Variants in PRRG1 observed in about 807,000 individuals in gnomAD.
The protein encoded by PRRG1 is transmembrane gamma-carboxyglutamic acid protein 1.
In PRRG1, 5 loss-of-function variants were observed where a neutral mutation model predicts 11.8. The observed-to-expected ratio is 0.42, with a 90% CI of 0.22 to 0.89. The LOEUF (loss-of-function observed/expected upper bound fraction) is 0.89. Among genes scored for constraint, PRRG1 ranks in the 40% least tolerant of loss-of-function variants. PRRG1 has a pLI of 0.28. For synonymous variants in PRRG1, 66 were observed against 60.4 expected (o/e 1.09, Z -0.43); for missense variants, 155 against 166.1 (o/e 0.93, Z 0.37).
At chrX:37,434,089 A>G (rs782132011) in intron 3 of PRRG1, among the ~76,000 whole-genome samples, 45 of 112,248 alleles carry the variant, frequency 4.0e-4, no homozygotes, top group African/African-American at 1.4e-3. Flanking sequence ...CTTTTAGACT[A>G]TCTTTACTAT....
chrX:37,431,372 A>T (rs1192747743), intron 3 of PRRG1, among the ~76,000 whole-genome samples: 1 of 112,267 alleles, frequency 8.9e-6, no homozygotes, highest in Admixed American at 9.4e-5. Context: ...ACAGTGTTTG[A>T]GAGATCCAGT....
In PRRG1 at chrX:37,376,554, T is replaced by C. The variant is rs1214774261; in HGVS notation, c.-42+27159T>C. On this transcript the variant is annotated intron_variant, in intron 1 of 3. Transcript: ENST00000378628. The stretch of plus-strand genomic sequence containing the variant: ...GTGTTTAGTCAGAAATGTGAGTGTA[T>C]ATATATATATATATATATGTGCTGA... Among the ~76,000 whole-genome samples the C allele has an allele frequency of 7.4e-5, 5 of 67,747 alleles. 1 individual carries two copies. The highest frequency in any genetic ancestry group is 2.4e-4 in the African/African-American group (5 of 20,724). 58.8% of individuals were successfully genotyped at this position (67,747 alleles called of 115,157 possible).
intron 1 of PRRG1, among the ~76,000 whole-genome samples, chrX:37,381,592 A>T (rs1404166621): frequency 1.8e-5 from 2 of 111,313 alleles, no homozygotes; most frequent in African/African-American, 6.5e-5. Flanking sequence ...AGAACCTTCT[A>T]TATCCTGTCT....
rs781978792 is a variant in PRRG1 at position 37,440,399 on chromosome X, T to C, written c.172-12737T>C. On this transcript the variant is annotated intron_variant, in intron 3 of 3. Coordinates refer to ENST00000378628, the MANE Select transcript of PRRG1 (RefSeq NM_001142395.2). ...ATAGGAGGAGGCTGATTTCCTGTTA[T>C]CTGGGAAGTGGCAATCTGAACTTTT... is the stretch of plus-strand genomic sequence containing the variant. 3.4e-4 allele frequency among the ~76,000 whole-genome samples: 38 copies of C among 112,086 alleles called. No homozygotes were observed. In the East Asian group the frequency reaches 9.8e-3, roughly 29 times the overall value.
rs797038486 is a variant in PRRG1 at position 37,418,922 on chromosome X, T to C, written c.11-6918T>C. 8.9e-5 allele frequency among the ~76,000 whole-genome samples: 10 copies of C among 112,052 alleles called. No individual in the cohort carries two copies. The South Asian group carries it at 1.9e-3, about 21-fold the overall frequency. On this transcript the variant is annotated intron_variant, in intron 2 of 3. Transcript: ENST00000378628. ...GTCTCAGGAGCCAGGCTCCTGCACA[T>C]GGATAGAGGAAACTGACCTTTGGTT...
At chrX:37,371,175 A>G (rs1296262535) in intron 1 of PRRG1, among the ~76,000 whole-genome samples, 1 of 111,506 alleles carries the variant, frequency 9.0e-6, no homozygotes, top group Non-Finnish European at 1.9e-5. Flanking sequence ...CCTCTGAAGC[A>G]CATAAAAATC....
intron 1 of PRRG1, among the ~76,000 whole-genome samples, chrX:37,398,593 C>T (rs1029351017): frequency 2.6e-4 from 29 of 112,498 alleles, no homozygotes; most frequent in African/African-American, 7.4e-4. Flanking sequence ...TCCAAAGGAA[C>T]GCAGTTCCTC....
intron 3 of PRRG1, among the ~76,000 whole-genome samples, chrX:37,438,524 C>T (rs1435758468): frequency 2.9e-5 from 3 of 104,545 alleles, no homozygotes; most frequent in Non-Finnish European, 5.8e-5. Context: ...GCAACCTCTG[C>T]CTCCCAGGTT....
chrX:37,384,782 A>T (rs782397534), intron 1 of PRRG1, among the ~76,000 whole-genome samples: 304 of 112,067 alleles, frequency 2.7e-3, no homozygotes, highest in Non-Finnish European at 4.5e-3. Flanking sequence ...AACAAAGATG[A>T]AAAAGACAAT....
At chrX:37,409,621 A>C (rs1277416370) in intron 2 of PRRG1, among the ~76,000 whole-genome samples, 2 of 112,318 alleles carry the variant, frequency 1.8e-5, no homozygotes, top group Admixed American at 9.5e-5. Context: ...TTACTCTCTA[A>C]GCTTTGCTTA....
intron 3 of PRRG1, among the ~76,000 whole-genome samples, chrX:37,429,165 C>G (rs781808339): frequency 6.2e-5 from 7 of 112,044 alleles, no homozygotes; most frequent in Non-Finnish European, 1.1e-4. Context: ...AAACCCATGA[C>G]GTGCCCTGGA....
In PRRG1 at chrX:37,455,038, G is replaced by T. The variant is rs1556397970; in HGVS notation, c.*1417G>T. 3 of 111,813 alleles carry T rather than the reference G, an allele frequency of 2.7e-5. No homozygotes were observed. Among genetic ancestry groups the T allele is most frequent in the Non-Finnish European group, 5.6e-5 (3 of 53,163 alleles). The allele number at this position is 111,813 out of a possible 1,213,427, so 9.2% of individuals were successfully genotyped here. A position where few individuals can be genotyped will look rare whatever the true frequency, so the allele number is the denominator to read the frequency against. ...GATTGATGAGGCAGGCAGAAGGAAT[G>T]TAGGTTTCAGGTGTGTCATTTCCTG... On this transcript the variant is annotated 3_prime_UTR_variant, in exon 4 of 4. Coordinates refer to ENST00000378628, the MANE Select transcript of PRRG1 (RefSeq NM_001142395.2).
At chrX:37,364,665 T>C (rs1930514824) in intron 1 of PRRG1, among the ~76,000 whole-genome samples, 1 of 112,140 alleles carries the variant, frequency 8.9e-6, no homozygotes, top group African/African-American at 3.2e-5. Context: ...TTCCTTTTCG[T>C]GTTACTTCCC....
At chrX:37,425,355 A>G (rs1459807197) in intron 2 of PRRG1, among the ~76,000 whole-genome samples, 3 of 109,966 alleles carry the variant, frequency 2.7e-5, no homozygotes, top group South Asian at 3.7e-4. Context: ...ACTTCTCACA[A>G]TTTTTTTTTA....
chrX:37,426,866 T>A (rs1932779665), intron 3 of PRRG1, among the ~76,000 whole-genome samples: 1 of 112,321 alleles, frequency 8.9e-6, no homozygotes, highest in Non-Finnish European at 1.9e-5. Flanking sequence ...TTTTACTTTT[T>A]AAAAATAGTA....
chrX:37,403,309 A>G (rs1256812871), intron 1 of PRRG1, among the ~76,000 whole-genome samples: 1 of 109,796 alleles, frequency 9.1e-6, no homozygotes, highest in Non-Finnish European at 1.9e-5. Context: ...CATAAAAAAG[A>G]TGAGTTCATG....
chrX:37,429,663 A>G (rs782500126), intron 3 of PRRG1, among the ~76,000 whole-genome samples: 1 of 111,373 alleles, frequency 9.0e-6, no homozygotes, highest in Non-Finnish European at 1.9e-5. Flanking sequence ...GAGCCCTCCA[A>G]ACTGTCCCAA....
intron 2 of PRRG1, among the ~76,000 whole-genome samples, chrX:37,408,154 G>A (rs1029641926): frequency 8.9e-6 from 1 of 111,866 alleles, no homozygotes; most frequent in African/African-American, 3.3e-5. Flanking sequence ...GTAGTGATAC[G>A]GCTCCAATGA....
chrX:37,400,348 A>G (rs1556379870), intron 1 of PRRG1, among the ~76,000 whole-genome samples: 1 of 111,885 alleles, frequency 8.9e-6, no homozygotes, highest in Non-Finnish European at 1.9e-5. Context: ...CCGCTCAACT[A>G]CATGGAAACT....
Sources: gnomAD v4.1 joint callset for allele counts (sites outside exome capture counted in the v4.1 genomes callset) on GRCh38, gnomAD v4.1.1 for gene constraint, MANE v1.5 for transcripts, NCBI Gene and HGNC (gene_info 2026-07-23, HGNC 2026-07-21) for gene names.